PSMA1: variants seen among roughly 807,000 people sequenced by gnomAD.
PSMA1 encodes the protein proteasome subunit alpha type-1.
Under a neutral mutation model 38.4 loss-of-function variants are expected in PSMA1, and 3 were observed. That is an observed-to-expected ratio of 0.08 (90% confidence interval 0.04 to 0.20). The LOEUF is 0.20. PSMA1 is among the 10% of genes least tolerant of loss of function. The pLI is 1.00. For synonymous variants in PSMA1, 101 were observed against 107.1 expected, an observed-to-expected ratio of 0.94 and a Z score of 0.35; for missense variants, 227 against 325.3, an observed-to-expected ratio of 0.70 and a Z score of 2.32.
chr11:14,559,990 C>T (rs1851990591), intron 2 of PSMA1, among the ~76,000 whole-genome samples: 1 of 152,162 alleles, frequency 6.6e-6, no homozygotes, highest in Admixed American at 6.5e-5. Flanking sequence ...AGTTGTCCTG[C>T]TTTGAAGCAA....
intron 8 of PSMA1, among the ~76,000 whole-genome samples, chr11:14,510,666 A>T (rs1399534233): frequency 1.3e-5 from 2 of 152,214 alleles, no homozygotes; most frequent in Non-Finnish European, 2.9e-5. Context: ...ATTTTGCATG[A>T]AATTTACTGG....
upstream of PSMA1, among the ~76,000 whole-genome samples, chr11:14,521,765 C>CAAAAAAA (rs367961519): frequency 3.7e-5 from 4 of 107,940 alleles, no homozygotes; most frequent in African/African-American, 3.8e-5. Flanking sequence ...GACTCCATCT[C>CAAAAAAA]AAAAAAAAAA....
Position 14,559,306 on chromosome 11 carries a change from A to T in PSMA1, c.22-40265T>A, listed in dbSNP as rs757122314. On this transcript the variant is annotated intron_variant, in intron 2 of 10. Transcript: ENST00000418988. ...CAGAAGTTGAAGATGTAGTGGGTTA[A>T]GGAAGGAACTTTCTAATCATGAGAG... Among the ~76,000 whole-genome samples the T allele has an allele frequency of 5.9e-5, 9 of 152,218 alleles. 1 individual carries two copies. Among genetic ancestry groups the T allele is most frequent in the African/African-American group, 1.2e-4 (5 of 41,460 alleles).
chr11:14,554,854 G>A (rs1041157718), intron 2 of PSMA1, among the ~76,000 whole-genome samples: 13 of 152,216 alleles, frequency 8.5e-5, no homozygotes, highest in Admixed American at 2.0e-4. Flanking sequence ...CAGTTTTATC[G>A]ATGAGAAGAC....
chr11:14,601,594 T>C (rs564074125), intron 2 of PSMA1, among the ~76,000 whole-genome samples: 1 of 152,234 alleles, frequency 6.6e-6, no homozygotes, highest in Admixed American at 6.5e-5. Context: ...GAACAAGGGG[T>C]TCTTCGTGAT....
At chr11:14,520,037 C>T (rs1851501520) in intron 1 of PSMA1, 3 of 589,726 alleles carry the variant, frequency 5.1e-6, no homozygotes, top group South Asian at 4.1e-5. Context: ...ACCTGAGGGG[C>T]GAACTCATCT....
intron 7 of PSMA1, among the ~76,000 whole-genome samples, chr11:14,513,026 A>C (rs1183347624): frequency 6.6e-6 from 1 of 152,208 alleles, no homozygotes; most frequent in Non-Finnish European, 1.5e-5. Context: ...TGTCACCAGA[A>C]AACAGATAAG....
chr11:14,611,042 T>C, exon 2 of PSMA1: 2 of 1,568,756 alleles, frequency 1.3e-6, no homozygotes, highest in Admixed American at 1.7e-5. Flanking sequence ...GGTCTGGATT[T>C]GACTTGTCAT....
At chr11:14,608,662 G>A (rs1565057475) in intron 2 of PSMA1, among the ~76,000 whole-genome samples, 1 of 146,966 alleles carries the variant, frequency 6.8e-6, no homozygotes, top group East Asian at 1.9e-4. Flanking sequence ...GCAAGATCCT[G>A]TCTGTATTTT....
intron 4 of PSMA1, among the ~76,000 whole-genome samples, chr11:14,516,077 G>C (rs1183193284): frequency 6.6e-6 from 1 of 151,838 alleles, no homozygotes; most frequent in South Asian, 2.1e-4. Flanking sequence ...GGGTGTGGTG[G>C]CACATGCTTG....
chr11:14,631,194 T>C (rs1327030984), intron 1 of PSMA1, among the ~76,000 whole-genome samples: 1 of 152,214 alleles, frequency 6.6e-6, no homozygotes, highest in Non-Finnish European at 1.5e-5. Context: ...TAGTTATTTC[T>C]TGCCTTCTGC....
At chr11:14,599,385 T>C (rs530299168) in intron 2 of PSMA1, among the ~76,000 whole-genome samples, 9 of 152,346 alleles carry the variant, frequency 5.9e-5, no homozygotes, top group African/African-American at 1.4e-4. Context: ...CAATCAGACA[T>C]AGATGTGGTC....
At chr11:14,545,581 T>C (rs962646542) in intron 2 of PSMA1, among the ~76,000 whole-genome samples, 1 of 152,212 alleles carries the variant, frequency 6.6e-6, no homozygotes, top group South Asian at 2.1e-4. Context: ...TCTTTTCCTG[T>C]GTTAGTTTGC....
At chr11:14,596,941 G>C (rs1009833037) in intron 2 of PSMA1, among the ~76,000 whole-genome samples, 4 of 152,204 alleles carry the variant, frequency 2.6e-5, no homozygotes, top group Non-Finnish European at 4.4e-5. Flanking sequence ...TTTATTGAAA[G>C]TTTTTAGCAT....
At chr11:14,510,815 G>A (rs1851330210) in intron 8 of PSMA1, 57 bp downstream of exon 8, 3 of 1,220,508 alleles carry the variant, frequency 2.5e-6, no homozygotes, top group African/African-American at 1.5e-5. Context: ...TTACATTTAT[G>A]CAATAAAGGT....
intron 2 of PSMA1, among the ~76,000 whole-genome samples, chr11:14,588,939 C>G (rs1852380548): frequency 1.3e-5 from 2 of 152,142 alleles, no homozygotes. Flanking sequence ...TTATTCCAGA[C>G]CTTTGCTTAT....
chr11:14,517,827 G>T, intron 3 of PSMA1, 53 bp downstream of exon 3: 1 of 1,521,364 alleles, frequency 6.6e-7, no homozygotes, highest in Non-Finnish European at 8.9e-7. Flanking sequence ...ATTTTCTATG[G>T]TGAAATTTAC....
chr11:14,533,000 A>G (rs72868074), intron 2 of PSMA1, among the ~76,000 whole-genome samples: 4,064 of 152,354 alleles, frequency 0.027, 75 homozygotes, highest in Non-Finnish European at 0.042. Context: ...TTCCCCTTCA[A>G]TACTATCCAT....
At chr11:14,579,509 T>TCC (rs746024063) in intron 2 of PSMA1, among the ~76,000 whole-genome samples, 15 of 125,434 alleles carry the variant, frequency 1.2e-4, no homozygotes, top group African/African-American at 4.4e-4. Flanking sequence ...TTTTTTTTTT[T>TCC]AAATAAGGTA....
Sources: allele counts gnomAD v4.1 joint callset (sites outside exome capture counted in the v4.1 genomes callset), GRCh38; gene constraint gnomAD v4.1.1; transcripts MANE v1.5; gene names NCBI Gene and HGNC (gene_info 2026-07-23, HGNC 2026-07-21).